DMBT1: variants seen among roughly 807,000 people sequenced by gnomAD.
DMBT1 encodes deleted in malignant brain tumors 1, also known as scavenger receptor cysteine-rich domain-containing protein DMBT1.
DMBT1 carries 198 observed loss-of-function variants against 252.9 expected under a neutral mutation model. The ratio of observed to expected loss-of-function variants is 0.78; its 90% CI spans 0.70 to 0.88. The LOEUF (loss-of-function observed/expected upper bound fraction) is 0.88, where lower values mean the gene tolerates loss of function less well. DMBT1 is among the 40% of genes least tolerant of loss of function. The probability of loss-of-function intolerance (pLI) is 0.00; values close to 1 mark genes in which losing one functional copy is unlikely to be tolerated. For missense variants in DMBT1, 2,432 were observed against 2,404.7 expected, an observed-to-expected ratio of 1.01 and a Z score of -0.24; for synonymous variants, 990 against 942.7, an observed-to-expected ratio of 1.05 and a Z score of -0.92.
rs149958745 is a variant in DMBT1 at position 122,631,225 on chromosome 10, G to A, written c.6290G>A (p.Arg2097Gln). 5.7e-4 allele frequency: 916 copies of A among 1,614,008 alleles called. 11 individuals carry two copies. In the East Asian group the frequency reaches 0.016, roughly 28 times the overall value. The change falls in exon 49 of 56, where the codon CGA becomes CAA. Residue 2097 changes from arginine to glutamine, a missense_variant. Arg to Gln is a conservative substitution (Grantham distance 43). Around this residue, in one of 3 missense-constraint regions of DMBT1, gnomAD observed 1,162 missense variants for 1,169.0 expected, o/e 0.99. Coordinates refer to ENST00000338354, the MANE Select transcript of DMBT1 (RefSeq NM_001377530.1). ...TCCACTCTCTGGCAGTGCCGGAACC[G>A]AGGCTGGTTCTCCCACAACTGTAAT... ...TESTLWQCRNRGWFSHNCNHR... is the reference protein window; with the variant it reads ...TESTLWQCRNQGWFSHNCNHR...
chr10:122,630,317 A>C lies in DMBT1; in HGVS notation c.5852A>C (p.Asp1951Ala). Reference sequence around the variant, plus strand: ...GAGGCACACCATAACTGCAGTTTTGATTATGTTGAAATCTTTGATGGATCA... The same window carrying C: ...GAGGCACACCATAACTGCAGTTTTGCTTATGTTGAAATCTTTGATGGATCA... The part of the protein sequence containing the change: ...KLEAHHNCSF[D>A]YVEIFDGSLN... The change falls in exon 48 of 56, where the codon GAT (aspartate) becomes GCT (alanine). Residue 1951 changes from aspartate (D) to alanine (A), a missense_variant. Physicochemically the swap from Asp to Ala is moderately radical, Grantham distance 126. Transcript: ENST00000338354. The C allele has an allele frequency of 6.2e-7, 1 of 1,614,022 alleles. No individual in the cohort carries two copies. The highest frequency in any genetic ancestry group is 8.5e-7 in the Non-Finnish European group (1 of 1,179,866).
In DMBT1 at chr10:122,639,961, A is replaced by G; in HGVS notation, c.6943-79A>G. The G allele has an allele frequency of 2.0e-6, 3 of 1,518,578 alleles. No individual in the cohort carries two copies. In the Admixed American group the frequency reaches 5.7e-5, roughly 29 times the overall value. 94.1% of individuals were successfully genotyped at this position (1,518,578 alleles called of 1,614,324 possible). The stretch of plus-strand genomic sequence containing the variant: ...AGTCTTGTTGAGTCACGTCCCTCTC[A>G]TTCACACCCAAATCAGCTATGGGAT... On this transcript the variant is annotated intron_variant, in intron 54 of 55. Transcript: ENST00000338354.
intron 5 of DMBT1, 102 bp from the exon 6 acceptor site, chr10:122,573,613 A>G (rs1414900862): frequency 1.4e-6 from 2 of 1,404,052 alleles, no homozygotes; most frequent in East Asian, 2.3e-5. Context: ...TGCCCTTAGG[A>G]CCTGTGCTTC....
chr10:122,577,751 T>C, intron 7 of DMBT1, 60 bp from the exon 8 acceptor site: 1 of 1,603,196 alleles, frequency 6.2e-7, no homozygotes, highest in Non-Finnish European at 8.5e-7. Context: ...CACTTCAGCC[T>C]TAACTCTACT....
At chr10:122,638,051 C>T (rs80042250) in intron 54 of DMBT1, among the ~76,000 whole-genome samples, 8,436 of 152,222 alleles carry the variant, frequency 0.055, 278 homozygotes, top group African/African-American at 0.099. Context: ...GAAAGTCCCA[C>T]GTTCCAGGAA....
intron 14 of DMBT1, among the ~76,000 whole-genome samples, 163 bp from the exon 15 acceptor site, chr10:122,585,108 T>C (rs3888713): frequency 0.048 from 7,134 of 148,308 alleles, 446 homozygotes; most frequent in East Asian, 0.13. Context: ...TGTCCCTTGC[T>C]GAGCTTGCTG....
At chr10:122,641,315 A>G (rs2684738) in intron 55 of DMBT1, among the ~76,000 whole-genome samples, 84,210 of 152,118 alleles carry the variant, frequency 0.55, 25,701 homozygotes, top group African/African-American at 0.82. Flanking sequence ...CTCTGTTGAT[A>G]GATGTGTACC....
At chr10:122,639,163 A>G (rs76176074) in intron 54 of DMBT1, among the ~76,000 whole-genome samples, 4,713 of 152,346 alleles carry the variant, frequency 0.031, 98 homozygotes, top group Middle Eastern at 0.065. Flanking sequence ...CTCCATGTTC[A>G]TTATTTGGAG....
In DMBT1 at chr10:122,636,200, G is replaced by A. The variant is rs1291773030; in HGVS notation, c.6757+1G>A. 1.2e-6 allele frequency: 2 copies of A among 1,611,680 alleles called. No individual in the cohort carries two copies. Among genetic ancestry groups the A allele is most frequent in the East Asian group, 2.2e-5 (1 of 44,856 alleles). On this transcript the variant is annotated splice_donor_variant, in intron 53 of 55. Transcript: ENST00000338354. LOFTEE classifies it high-confidence loss of function. ...TCCAGTCCCTCCAATGACAGCACCA[G>A]TAAGTCCCCTTGTGGAAATGCTCTG...
At chr10:122,575,499 A>G (rs1420587306) in intron 6 of DMBT1, among the ~76,000 whole-genome samples, 1 of 152,112 alleles carries the variant, frequency 6.6e-6, no homozygotes, top group Non-Finnish European at 1.5e-5. Context: ...GAGGAGACCT[A>G]ACTTTATATT....
At position 122,577,841 on chromosome 10, in the gene DMBT1, G is replaced by A. The variant is rs769996553; in HGVS notation, c.637+1G>A. 3.7e-6 allele frequency: 6 copies of A among 1,613,572 alleles called. No homozygotes were observed. Among genetic ancestry groups the A allele is most frequent in the South Asian group, 3.3e-5 (3 of 91,004 alleles). On this transcript the variant is annotated splice_donor_variant, in intron 8 of 55. Transcript: ENST00000338354. LOFTEE classifies it high-confidence loss of function. ...CAGCCTCAGTCAACACTCAGGCCAG[G>A]TGAGTCCCCAGAATCCTTCCTCGGG... is the stretch of plus-strand genomic sequence containing the variant.
intron 54 of DMBT1, 126 bp from the exon 55 acceptor site, chr10:122,639,914 G>A: frequency 8.6e-7 from 1 of 1,157,592 alleles, no homozygotes; most frequent in South Asian, 1.6e-5. Flanking sequence ...GGCCATCTCT[G>A]AGTGGTTCTG....
Position 122,592,593 on chromosome 10 carries a change from C to T in DMBT1, c.2498C>T (p.Ser833Leu). The T allele has an allele frequency of 1.1e-5, 17 of 1,588,488 alleles. 2 individuals carry two copies. Among genetic ancestry groups the T allele is most frequent in the Non-Finnish European group, 1.5e-5 (17 of 1,165,622 alleles). The change falls in exon 20 of 56, where the codon TCA (serine) becomes TTA (leucine). Residue 833 changes from serine to leucine, a missense_variant and splice_region_variant. By Grantham distance (145) the Ser-to-Leu change is moderately radical. Transcript: ENST00000338354. ...GHHEDAGVICSVSQSRPTPSP... is the reference protein window; with the variant it reads ...GHHEDAGVICLVSQSRPTPSP... ...CATGAAGATGCTGGTGTCATCTGCT[C>T]AGGTGGGCCTCCAAGACCTTGGGCT...
chr10:122,588,727 G>A (rs144018806), intron 16 of DMBT1, among the ~76,000 whole-genome samples: 95 of 149,096 alleles, frequency 6.4e-4, no homozygotes, highest in African/African-American at 2.2e-3. Flanking sequence ...GGTCACAGGT[G>A]CTTCCCCAAA....
intron 52 of DMBT1, among the ~76,000 whole-genome samples, chr10:122,635,740 G>C (rs1333001989): frequency 1.3e-5 from 2 of 152,172 alleles, no homozygotes; most frequent in Admixed American, 1.3e-4. Flanking sequence ...ATTTTTAGTA[G>C]AGACAGGGTT....
intron 46 of DMBT1, among the ~76,000 whole-genome samples, chr10:122,628,983 GAAAA>G (rs995733304): frequency 1.6e-4 from 24 of 150,144 alleles, no homozygotes; most frequent in Admixed American, 1.3e-4. Flanking sequence ...TTATGAAAAA[GAAAA>G]AAAAAGACGT....
At chr10:122,590,586 A>G (rs753919674) in intron 17 of DMBT1, 79 bp from the exon 18 acceptor site, 8 of 1,504,050 alleles carry the variant, frequency 5.3e-6, no homozygotes, top group Non-Finnish European at 7.3e-6. Flanking sequence ...AGGCGCTACC[A>G]GTTTAGTTCC....
intron 53 of DMBT1, among the ~76,000 whole-genome samples, chr10:122,636,595 T>C (rs1174263089): frequency 6.6e-6 from 1 of 152,194 alleles, no homozygotes; most frequent in East Asian, 1.9e-4. Flanking sequence ...TATCTGAAGA[T>C]GGACTGAGCT....
At position 122,570,066 on chromosome 10, in the gene DMBT1, G is replaced by GA. The variant is rs2097647150; in HGVS notation, c.92-96_92-95insA. On this transcript the variant is annotated intron_variant, in intron 2 of 55. Transcript: ENST00000338354. ...GCAATGGAGGGTGCCCTTAGGCCCT[G>GA]GCTTCCAGTTCTTGCTTGAGAGCTG... is the stretch of plus-strand genomic sequence containing the variant. 4.3e-6 allele frequency: 5 copies of GA among 1,155,438 alleles called. No homozygotes were observed. In the African/African-American group the frequency reaches 7.6e-5, roughly 17 times the overall value. 71.6% of individuals were successfully genotyped at this position (1,155,438 alleles called of 1,614,324 possible).
Sources: gnomAD v4.1 joint callset for allele counts (sites outside exome capture counted in the v4.1 genomes callset) on GRCh38, gnomAD v4.1.1 for gene constraint, gnomAD v4.1.1 regional missense constraint, MANE v1.5 for transcripts, NCBI Gene and HGNC (gene_info 2026-07-23, HGNC 2026-07-21) for gene names.